Variants in TCF7L2 observed in about 807,000 individuals in gnomAD.
The protein encoded by TCF7L2 is transcription factor 7 like 2, also known as transcription factor 7-like 2.
Under a neutral mutation model 77.9 loss-of-function variants are expected in TCF7L2, and 23 were observed. The ratio of observed to expected loss-of-function variants is 0.30; its 90% confidence interval spans 0.21 to 0.42. TCF7L2 has a LOEUF of 0.42. TCF7L2 is among the 10% of genes least tolerant of loss of function. TCF7L2 has a pLI of 1.00. For missense variants in TCF7L2, 654 were observed against 793.1 expected (o/e 0.82, Z 2.11); for synonymous variants, 413 against 340.2 (o/e 1.21, Z -2.36).
At chr10:113,051,026 C>A (rs1433283025) in intron 5 of TCF7L2, among the ~76,000 whole-genome samples, 30 of 151,918 alleles carry the variant, frequency 2.0e-4, no homozygotes, top group Non-Finnish European at 8.8e-5. Flanking sequence ...ATGGCATTTC[C>A]TATCTCCACC....
intron 4 of TCF7L2, among the ~76,000 whole-genome samples, chr10:112,971,782 T>G (rs2134910751): frequency 6.6e-6 from 1 of 151,000 alleles, no homozygotes; most frequent in Middle Eastern, 3.4e-3. Flanking sequence ...CCAGCTAAGT[T>G]TTGTATTTTT....
intron 3 of TCF7L2, 122 bp downstream of exon 3, chr10:112,951,729 T>TC: frequency 8.0e-6 from 2 of 248,932 alleles, no homozygotes; most frequent in Non-Finnish European, 1.1e-5. Context: ...CTCCCCTCCC[T>TC]CCCTCCCCTC....
intron 3 of TCF7L2, among the ~76,000 whole-genome samples, chr10:112,954,504 A>G (rs1006501722): frequency 4.6e-5 from 7 of 152,268 alleles, no homozygotes; most frequent in Non-Finnish European, 1.0e-4. Flanking sequence ...AGATTTCTGC[A>G]TAATATTAAT....
chr10:113,103,981 C>G (rs776166971), intron 5 of TCF7L2, among the ~76,000 whole-genome samples: 12 of 152,204 alleles, frequency 7.9e-5, no homozygotes, highest in Non-Finnish European at 1.3e-4. Context: ...GCTACGCCCC[C>G]ACTTTTGTGG....
At chr10:112,957,442 G>C (rs146759529) in intron 3 of TCF7L2, among the ~76,000 whole-genome samples, 1 of 152,010 alleles carries the variant, frequency 6.6e-6, no homozygotes, top group African/African-American at 2.4e-5. Context: ...AAAAAATCCA[G>C]GTTTACACTG....
chr10:113,025,880 A>G (rs1306134592), intron 4 of TCF7L2, among the ~76,000 whole-genome samples: 2 of 143,544 alleles, frequency 1.4e-5, no homozygotes, highest in East Asian at 4.1e-4. Flanking sequence ...TTTTAAGTTA[A>G]TTTTTTTTTT....
chr10:113,157,605 G>A (rs2072218494), intron 11 of TCF7L2, among the ~76,000 whole-genome samples: 1 of 152,182 alleles, frequency 6.6e-6, no homozygotes, highest in Non-Finnish European at 1.5e-5. Context: ...CCTTGAAGCT[G>A]GTGCGGCCAT....
chr10:112,950,924 A>G lies in TCF7L2; in HGVS notation c.168A>G (p.Gln56=). 1 of 1,611,802 alleles carries G rather than the reference A, an allele frequency of 6.2e-7. No homozygotes were observed. The highest frequency in any genetic ancestry group is 8.5e-7 in the Non-Finnish European group (1 of 1,179,248). ...TAGTCAATGAATCAGAAACGAATCAAAACAGCTCCTCCGATTCCGAGGTAG... is the reference window on the plus strand; with the variant it reads ...TAGTCAATGAATCAGAAACGAATCAGAACAGCTCCTCCGATTCCGAGGTAG... The change falls in exon 1 of 14, where the codon CAA becomes CAG. Residue 56 remains glutamine, a synonymous_variant. Coordinates refer to ENST00000627217, the MANE Select transcript of TCF7L2 (RefSeq NM_001146274.2).
intron 4 of TCF7L2, among the ~76,000 whole-genome samples, chr10:112,999,253 G>C (rs563463028): frequency 6.6e-6 from 1 of 152,220 alleles, no homozygotes; most frequent in Non-Finnish European, 1.5e-5. Flanking sequence ...ACATGGTCCT[G>C]TGTTGTTGTT....
intron 4 of TCF7L2, among the ~76,000 whole-genome samples, chr10:112,995,376 G>A (rs184635273): frequency 6.6e-6 from 1 of 152,146 alleles, no homozygotes; most frequent in Non-Finnish European, 1.5e-5. Flanking sequence ...GCTGGAGTTC[G>A]TTGCTTGGTT....
At chr10:113,048,793 G>A (rs888880898) in intron 5 of TCF7L2, among the ~76,000 whole-genome samples, 9 of 152,174 alleles carry the variant, frequency 5.9e-5, no homozygotes, top group African/African-American at 2.2e-4. Flanking sequence ...GGAATCCTGG[G>A]ATGGGGCCAC....
At chr10:112,969,935 C>A (rs574765727) in intron 4 of TCF7L2, among the ~76,000 whole-genome samples, 27 of 152,310 alleles carry the variant, frequency 1.8e-4, no homozygotes, top group African/African-American at 6.5e-4. Flanking sequence ...CAGCATTATT[C>A]CAAACCTATG....
At chr10:113,083,417 T>C (rs773883277) in intron 5 of TCF7L2, among the ~76,000 whole-genome samples, 1 of 152,246 alleles carries the variant, frequency 6.6e-6, no homozygotes, top group Non-Finnish European at 1.5e-5. Flanking sequence ...AGTGATGATA[T>C]CCCGGTCTGG....
rs996866895 is a variant in TCF7L2 at position 112,951,024 on chromosome 10, C to A, written c.189+79C>A. The A allele has an allele frequency of 7.8e-5, 118 of 1,504,762 alleles. No individual in the cohort carries two copies. In the East Asian group the frequency reaches 2.7e-3, roughly 34 times the overall value. The allele number at this position is 1,504,762 out of a possible 1,614,324, so 93.2% of individuals were successfully genotyped here. ...CAAATGTTGCTGAAAGGGGAGAAATCGGGGCTGGGGGCGGCGGCGGGGCCC... is the reference window on the plus strand; with the variant it reads ...CAAATGTTGCTGAAAGGGGAGAAATAGGGGCTGGGGGCGGCGGCGGGGCCC... On this transcript the variant is annotated intron_variant, in intron 1 of 13. Coordinates refer to ENST00000627217, the MANE Select transcript of TCF7L2 (RefSeq NM_001146274.2).
intron 4 of TCF7L2, among the ~76,000 whole-genome samples, chr10:112,985,866 GT>G (rs2041414496): frequency 2.0e-5 from 3 of 149,870 alleles, no homozygotes; most frequent in African/African-American, 7.3e-5. Context: ...TAGTTTGTGT[GT>G]GTGTGTGTGT....
chr10:112,951,270 G>A lies in TCF7L2; in HGVS notation c.253G>A (p.Glu85Lys). The A allele has an allele frequency of 6.5e-7, 1 of 1,541,076 alleles. No homozygotes were observed. The highest frequency in any genetic ancestry group is 8.7e-7 in the Non-Finnish European group (1 of 1,145,188). ...AGACAAATCCCGGGAAAGTTTGGAA[G>A]AAGGTGAGTACGCCCCGCGCGCCCC... The change falls in exon 2 of 14, where the codon GAA (glutamate) becomes AAA (lysine). Residue 85 changes from glutamate (E) to lysine (K), a missense_variant. Glu to Lys is a moderately conservative substitution (Grantham distance 56, BLOSUM62 1). Transcript: ENST00000627217.
intron 4 of TCF7L2, among the ~76,000 whole-genome samples, chr10:112,978,673 G>T (rs1226024093): frequency 6.8e-6 from 1 of 148,062 alleles, no homozygotes; most frequent in African/African-American, 2.5e-5. Context: ...TAGAGATGAG[G>T]TTTCACTGTG....
rs557438910 is a variant in TCF7L2, at chr10:113,166,340, C to A, written c.*368C>A. Reference sequence around the variant, plus strand: ...GAAAAAAAAAGCAATTTTGAAGCAGCCCTCCAGAAGGAGTTGGTTCTGTAT... The same window carrying A: ...GAAAAAAAAAGCAATTTTGAAGCAGACCTCCAGAAGGAGTTGGTTCTGTAT... On this transcript the variant is annotated 3_prime_UTR_variant, in exon 14 of 14. Transcript: ENST00000627217. The A allele has an allele frequency of 4.2e-6, 1 of 236,796 alleles. No homozygotes were observed. Among genetic ancestry groups the A allele is most frequent in the South Asian group, 1.8e-4 (1 of 5,544 alleles). 14.7% of individuals were successfully genotyped at this position (236,796 alleles called of 1,614,324 possible).
intron 5 of TCF7L2, among the ~76,000 whole-genome samples, chr10:113,059,315 G>C (rs1247734154): frequency 2.0e-5 from 3 of 152,008 alleles, no homozygotes; most frequent in Non-Finnish European, 4.4e-5. Flanking sequence ...GGCTTTCAAG[G>C]CTGGACCACT....
Sources: allele counts gnomAD v4.1 joint callset (sites outside exome capture counted in the v4.1 genomes callset), GRCh38; gene constraint gnomAD v4.1.1; transcripts MANE v1.5; gene names NCBI Gene and HGNC (gene_info 2026-07-23, HGNC 2026-07-21).